Variants in PUS10 observed in about 807,000 individuals in gnomAD.
The protein encoded by PUS10 is pseudouridine synthase 10.
PUS10 carries 59 observed loss-of-function variants against 75.0 expected under a neutral mutation model. That is an observed-to-expected ratio of 0.79 (90% CI 0.64 to 0.98). The LOEUF is 0.98. Ranked by LOEUF, PUS10 falls within the 50% of genes least tolerant of loss-of-function variation. PUS10 has a pLI of 0.00. For synonymous variants in PUS10, 219 were observed against 211.6 expected (o/e 1.03, Z -0.30); for missense variants, 650 against 614.4 (o/e 1.06, Z -0.61).
At chr2:60,965,247 T>G in intron 7 of PUS10, 144 bp from the exon 8 acceptor site, 1 of 998,050 alleles carries the variant, frequency 1.0e-6, no homozygotes, top group Non-Finnish European at 1.6e-6. Flanking sequence ...CTATATCGGT[T>G]TGCCCAGGAA....
At chr2:60,981,939 A>G (rs960370510) in intron 4 of PUS10, among the ~76,000 whole-genome samples, 2 of 152,182 alleles carry the variant, frequency 1.3e-5, no homozygotes, top group Admixed American at 1.3e-4. Context: ...ACACTTTGAA[A>G]CAAACAATTT....
At chr2:60,997,599 G>C in intron 4 of PUS10, among the ~76,000 whole-genome samples, 1 of 110,082 alleles carries the variant, frequency 9.1e-6, no homozygotes, top group East Asian at 2.7e-4. Flanking sequence ...GACAGAGCAA[G>C]ACTCCATCTC....
At chr2:61,000,335 C>T (rs1678769370) in intron 4 of PUS10, among the ~76,000 whole-genome samples, 1 of 152,208 alleles carries the variant, frequency 6.6e-6, no homozygotes, top group South Asian at 2.1e-4. Flanking sequence ...CAGATGGCTC[C>T]ACCATTCTGA....
chr2:61,015,077 A>G (rs990037640), intron 1 of PUS10, among the ~76,000 whole-genome samples: 1 of 152,226 alleles, frequency 6.6e-6, no homozygotes, highest in Non-Finnish European at 1.5e-5. Flanking sequence ...GACACACCAT[A>G]CAAGCTGACA....
chr2:61,001,642 AG>A (rs1298904186), intron 4 of PUS10, among the ~76,000 whole-genome samples: 2 of 152,196 alleles, frequency 1.3e-5, no homozygotes, highest in African/African-American at 2.4e-5. Context: ...AACTGATCCC[AG>A]GTTGGCAAAA....
intron 4 of PUS10, among the ~76,000 whole-genome samples, chr2:60,985,320 A>C (rs906877192): frequency 1.3e-5 from 2 of 152,178 alleles, no homozygotes; most frequent in Non-Finnish European, 2.9e-5. Context: ...TTATTTTAAA[A>C]TGTACTATAT....
intron 4 of PUS10, among the ~76,000 whole-genome samples, chr2:60,995,485 C>T (rs1252701746): frequency 6.6e-6 from 1 of 152,108 alleles, no homozygotes; most frequent in Non-Finnish European, 1.5e-5. Flanking sequence ...AGGTCTAAAA[C>T]ACAGTGGTGG....
At chr2:60,961,262 A>T (rs1008212627) in intron 10 of PUS10, among the ~76,000 whole-genome samples, 1 of 152,196 alleles carries the variant, frequency 6.6e-6, no homozygotes, top group African/African-American at 2.4e-5. Context: ...CATGGCATTT[A>T]AAATAACTGA....
At chr2:61,006,211 C>T (rs1207233220) in intron 4 of PUS10, among the ~76,000 whole-genome samples, 2 of 152,172 alleles carry the variant, frequency 1.3e-5, no homozygotes, top group Admixed American at 1.3e-4. Flanking sequence ...TTCTAAAATG[C>T]ACATATCCAC....
At chr2:61,016,942 C>CT (rs1680025918) in intron 1 of PUS10, among the ~76,000 whole-genome samples, 1 of 152,120 alleles carries the variant, frequency 6.6e-6, no homozygotes, top group Non-Finnish European at 1.5e-5. Flanking sequence ...GCTCTGGAAT[C>CT]TACTGTGGAC....
At chr2:60,944,258 C>G in intron 17 of PUS10, 3 of 982,346 alleles carry the variant, frequency 3.1e-6, no homozygotes, top group Non-Finnish European at 3.6e-6. Context: ...AGGAGCTAAT[C>G]TAATCCCAGA....
chr2:61,008,795 A>C lies in PUS10; in HGVS notation c.347T>G (p.Leu116Arg). Residue 116 changes from leucine to arginine, a missense_variant, in exon 3 of 18, where the codon CTT becomes CGT. Coordinates refer to ENST00000316752, the MANE Select transcript of PUS10 (RefSeq NM_144709.4). ...GAAATCTTTCTCACAGAATTCTTGA[A>C]GAATTCCTAGGCATACATTACATAC... ...LNVCNVCLGI[L>R]QEFCEKDFIK... is the part of the protein sequence containing the mutation. 6.3e-7 allele frequency: 1 copy of C among 1,589,518 alleles called. No individual in the cohort carries two copies. The highest frequency in any genetic ancestry group is 8.6e-7 in the Non-Finnish European group (1 of 1,168,792).
At chr2:61,017,059 C>G (rs1680039433) in intron 1 of PUS10, 2 of 152,378 alleles carry the variant, frequency 1.3e-5, no homozygotes, top group Admixed American at 1.3e-4. Flanking sequence ...CCCTCCTTTG[C>G]TAACAAAGCC....
At chr2:61,012,887 T>TATATATATATACAC (rs67357917) in intron 1 of PUS10, among the ~76,000 whole-genome samples, 8 of 88,892 alleles carry the variant, frequency 9.0e-5, no homozygotes, top group Non-Finnish European at 1.8e-4. Context: ...TATATATATA[T>TATATATATATACAC]ACACACACAC....
At chr2:60,998,719 A>G (rs1254661278) in intron 4 of PUS10, 2 of 152,034 alleles carry the variant, frequency 1.3e-5, no homozygotes, top group Admixed American at 6.6e-5. Flanking sequence ...AATTTCTTAA[A>G]TAAAAAAATG....
At position 60,982,051 on chromosome 2, in the gene PUS10, A is replaced by G. The variant is rs557813552; in HGVS notation, c.469-10494T>C. ...GAAGAGGGAAAAAACAGATTGACCA[A>G]TAACTTTTCTTTTTCCATCTCCATT... is the stretch of plus-strand genomic sequence containing the variant. On this transcript the variant is annotated intron_variant, in intron 4 of 17. Transcript: ENST00000316752. 2.0e-4 allele frequency among the ~76,000 whole-genome samples: 30 copies of G among 152,136 alleles called. 2 individuals are homozygous for G. In the South Asian group the frequency reaches 6.2e-3, roughly 32 times the overall value.
chr2:60,971,927 C>T (rs1436355846), intron 4 of PUS10, among the ~76,000 whole-genome samples: 3 of 128,336 alleles, frequency 2.3e-5, no homozygotes, highest in Admixed American at 8.9e-5. Flanking sequence ...CTGGAGTGTA[C>T]TGGCAGGATC....
intron 6 of PUS10, chr2:60,966,598 G>C (rs1009017777): frequency 6.6e-6 from 1 of 152,170 alleles, no homozygotes; most frequent in African/African-American, 2.4e-5. Flanking sequence ...ACTGAAATTT[G>C]AGGTAAAAAT....
rs888771335 is a variant in PUS10 at position 60,965,503 on chromosome 2, G to C, written c.616-19C>G. The C allele has an allele frequency of 1.3e-5, 21 of 1,562,558 alleles. No homozygotes were observed. The highest frequency in any genetic ancestry group is 1.7e-5 in the Non-Finnish European group (20 of 1,152,152). On this transcript the variant is annotated intron_variant, in intron 6 of 17. Transcript: ENST00000316752. ...ACAAGCTCTAAAAATTATAAAGACA[G>C]TTTAAAAATGAGCAAAAGGAAACTA...
Sources: gnomAD v4.1 joint callset for allele counts (sites outside exome capture counted in the v4.1 genomes callset) on GRCh38, gnomAD v4.1.1 for gene constraint, MANE v1.5 for transcripts, NCBI Gene and HGNC (gene_info 2026-07-23, HGNC 2026-07-21) for gene names.